Variants in FBXL17 observed in about 807,000 individuals in gnomAD.
FBXL17 encodes F-box/LRR-repeat protein 17.
Under a neutral mutation model 66.2 loss-of-function variants are expected in FBXL17, and 22 were observed. The observed-to-expected ratio is 0.33, with a 90% confidence interval of 0.24 to 0.47. FBXL17 has a LOEUF of 0.47. FBXL17 is among the 20% of genes least tolerant of loss of function. FBXL17 has a pLI of 1.00. For missense variants in FBXL17, 878 were observed against 948.2 expected (o/e 0.93, Z 0.97); for synonymous variants, 474 against 400.5 (o/e 1.18, Z -2.19).
At chr5:108,323,747 CAT>C (rs1759727050) in intron 4 of FBXL17, among the ~76,000 whole-genome samples, 1 of 151,990 alleles carries the variant, frequency 6.6e-6, no homozygotes, top group Admixed American at 6.6e-5. Context: ...AAAAGACAGA[CAT>C]AGACCAAATG....
At chr5:108,293,855 A>G (rs1758222758) in intron 4 of FBXL17, among the ~76,000 whole-genome samples, 1 of 151,800 alleles carries the variant, frequency 6.6e-6, no homozygotes, top group South Asian at 2.1e-4. Flanking sequence ...AACCTGGCCA[A>G]CGTGGTGAAA....
At chr5:107,989,512 T>G (rs1271417216) in intron 7 of FBXL17, among the ~76,000 whole-genome samples, 1 of 152,182 alleles carries the variant, frequency 6.6e-6, no homozygotes, top group African/African-American at 2.4e-5. Flanking sequence ...ATTGTGAATA[T>G]GCACCATGCC....
intron 6 of FBXL17, among the ~76,000 whole-genome samples, chr5:108,132,064 C>T (rs1750956852): frequency 6.6e-6 from 1 of 151,798 alleles, no homozygotes; most frequent in Admixed American, 6.6e-5. Flanking sequence ...GCAACCTCCG[C>T]CTCCCAGGTT....
At chr5:108,117,883 A>G (rs1375416928) in intron 6 of FBXL17, among the ~76,000 whole-genome samples, 1 of 152,214 alleles carries the variant, frequency 6.6e-6, no homozygotes, top group Non-Finnish European at 1.5e-5. Context: ...GAGATGCTCT[A>G]GAAAGCACAG....
chr5:108,335,055 T>A (rs931974885), intron 4 of FBXL17, among the ~76,000 whole-genome samples: 2 of 152,232 alleles, frequency 1.3e-5, no homozygotes, highest in Non-Finnish European at 2.9e-5. Context: ...GTTTAAATAA[T>A]GTGGTGAATA....
intron 8 of FBXL17, chr5:107,880,069 T>G (rs1283023786): frequency 3.4e-6 from 1 of 291,702 alleles, no homozygotes; most frequent in Non-Finnish European, 5.1e-6. Context: ...CCAGTATAGG[T>G]TTTTTTTGTT....
chr5:107,978,491 C>T (rs115242398), intron 7 of FBXL17, among the ~76,000 whole-genome samples: 330 of 152,266 alleles, frequency 2.2e-3, no homozygotes, highest in Admixed American at 3.6e-3. Context: ...TTCCCCATTA[C>T]TCCTGTAGAT....
chr5:108,113,538 A>C (rs1750123456), intron 6 of FBXL17, among the ~76,000 whole-genome samples: 1 of 152,130 alleles, frequency 6.6e-6, no homozygotes, highest in African/African-American at 2.4e-5. Context: ...AAGTAAATGA[A>C]AATTATGGGC....
At chr5:108,270,448 A>T (rs1757220876) in intron 4 of FBXL17, among the ~76,000 whole-genome samples, 1 of 149,314 alleles carries the variant, frequency 6.7e-6, no homozygotes, top group African/African-American at 2.4e-5. Flanking sequence ...AATTAAATAT[A>T]ATTTATACAT....
chr5:108,339,053 A>T (rs1746704672), intron 4 of FBXL17, among the ~76,000 whole-genome samples: 1 of 152,210 alleles, frequency 6.6e-6, no homozygotes. Context: ...AATGATGGAA[A>T]AAGTGCATCC....
chr5:108,084,381 T>C (rs919722335), intron 6 of FBXL17, among the ~76,000 whole-genome samples: 1 of 152,192 alleles, frequency 6.6e-6, no homozygotes, highest in Non-Finnish European at 1.5e-5. Context: ...CGGTTTGCTC[T>C]GCATGAGAAA....
chr5:108,251,029 T>C (rs1221640304), intron 4 of FBXL17, among the ~76,000 whole-genome samples: 2 of 152,058 alleles, frequency 1.3e-5, no homozygotes, highest in African/African-American at 4.8e-5. Context: ...TGTTTTGTTA[T>C]TGCAAAAAAT....
intron 6 of FBXL17, among the ~76,000 whole-genome samples, chr5:108,144,592 T>TGATACAGCA (rs1751485831): frequency 6.6e-6 from 1 of 152,218 alleles, no homozygotes; most frequent in Admixed American, 6.5e-5. Flanking sequence ...TGTAATCATT[T>TGATACAGCA]GATAGTCAAC....
At chr5:107,971,127 C>T (rs1057351700) in intron 7 of FBXL17, among the ~76,000 whole-genome samples, 1 of 152,152 alleles carries the variant, frequency 6.6e-6, no homozygotes, top group East Asian at 1.9e-4. Flanking sequence ...ATGCAAATTA[C>T]ATTTGCTTAC....
At position 108,381,128 on chromosome 5, in the gene FBXL17, C is replaced by T. The variant is rs1345744741; in HGVS notation, c.564G>A (p.Glu188=). 13 of 1,369,628 alleles carry T rather than the reference C, an allele frequency of 9.5e-6. No individual in the cohort carries two copies. Among genetic ancestry groups the T allele is most frequent in the Middle Eastern group, 2.1e-4 (1 of 4,736 alleles). 84.8% of individuals were successfully genotyped at this position (1,369,628 alleles called of 1,614,324 possible). The change falls in exon 1 of 9, where the codon GAG becomes GAA. Residue 188 remains glutamate, a synonymous_variant. Coordinates refer to ENST00000542267, the MANE Select transcript of FBXL17 (RefSeq NM_001163315.3). ...ACACCATTTCGGGGGGCGTAGGGAGCTCGGCCGGTGACGGTGTCGGCCCCC... is the reference window on the plus strand; with the variant it reads ...ACACCATTTCGGGGGGCGTAGGGAGTTCGGCCGGTGACGGTGTCGGCCCCC... The part of the protein sequence containing the change: ...LFRGPTPSPA[E]LPTPPEMVCK...
At chr5:108,306,184 G>C (rs1005884046) in intron 4 of FBXL17, among the ~76,000 whole-genome samples, 1 of 151,992 alleles carries the variant, frequency 6.6e-6, no homozygotes, top group African/African-American at 2.4e-5. Flanking sequence ...TGTACTTACT[G>C]ATATTATAAT....
chr5:107,895,911 T>G (rs1044773240), intron 7 of FBXL17, among the ~76,000 whole-genome samples: 1 of 152,168 alleles, frequency 6.6e-6, no homozygotes. Context: ...ATTCTGGCAC[T>G]TTCTCTCTGT....
At chr5:107,901,730 A>C (rs1749573294) in intron 7 of FBXL17, among the ~76,000 whole-genome samples, 1 of 152,178 alleles carries the variant, frequency 6.6e-6, no homozygotes, top group South Asian at 2.1e-4. Context: ...TAATAAGTAC[A>C]TTGTTCGGTT....
At chr5:108,079,805 T>C (rs758394347) in intron 6 of FBXL17, among the ~76,000 whole-genome samples, 28 of 152,234 alleles carry the variant, frequency 1.8e-4, no homozygotes, top group South Asian at 6.2e-4. Context: ...GCTTGTCTCA[T>C]GTTAACTACC....
Sources: allele counts gnomAD v4.1 joint callset (sites outside exome capture counted in the v4.1 genomes callset), GRCh38; gene constraint gnomAD v4.1.1; transcripts MANE v1.5; gene names NCBI Gene and HGNC (gene_info 2026-07-23, HGNC 2026-07-21).